Variants in CEP72 observed in about 807,000 individuals in gnomAD.
CEP72 encodes the protein centrosomal protein of 72 kDa.
A neutral mutation model predicts 65.7 loss-of-function variants in CEP72; 78 were observed. The observed-to-expected ratio is 1.19, with a 90% CI of 0.99 to 1.43. The LOEUF is 1.43. CEP72 is among the 40% of genes most tolerant of loss of function. The probability of loss-of-function intolerance (pLI) is 0.00; values close to 1 mark genes in which losing one functional copy is unlikely to be tolerated. For missense variants in CEP72, 914 were observed against 832.9 expected, an observed-to-expected ratio of 1.10 and a Z score of -1.20; for synonymous variants, 358 against 351.7, an observed-to-expected ratio of 1.02 and a Z score of -0.20.
At chr5:619,540 C>T (rs1194619230) in intron 2 of CEP72, among the ~76,000 whole-genome samples, 3 of 151,408 alleles carry the variant, frequency 2.0e-5, no homozygotes, top group African/African-American at 4.9e-5. Flanking sequence ...ATGGAGGCTG[C>T]GTCTGCATGG....
intron 8 of CEP72, among the ~76,000 whole-genome samples, chr5:639,640 C>T (rs1296115223): frequency 6.6e-6 from 1 of 152,192 alleles, no homozygotes; most frequent in South Asian, 2.1e-4. Context: ...GTGTGGGACC[C>T]AGGAGGGTGG....
downstream of CEP72, among the ~76,000 whole-genome samples, chr5:669,434 G>C (rs117288090): frequency 6.6e-6 from 1 of 152,168 alleles, no homozygotes; most frequent in Non-Finnish European, 1.5e-5. Context: ...ACAGTGCCTG[G>C]AACTGACAGT....
chr5:673,810 C>T, the CEP72 span, among the ~76,000 whole-genome samples: 1 of 152,204 alleles, frequency 6.6e-6, no homozygotes, highest in Non-Finnish European at 1.5e-5. Flanking sequence ...CAGGCCCAGA[C>T]CAGCTGGGGC....
Position 633,751 on chromosome 5 carries a change from G to T in CEP72, c.513-18G>T, listed in dbSNP as rs746775730. ...TGGCTGGCTTGAGTGATGCTGATGA[G>T]TTTGCTTTTCCTTACAGACCACACC... is the stretch of plus-strand genomic sequence containing the variant. On this transcript the variant is annotated intron_variant, in intron 4 of 11. Transcript: ENST00000264935. The T allele has an allele frequency of 6.2e-7, 1 of 1,612,836 alleles. No individual in the cohort carries two copies. The highest frequency in any genetic ancestry group is 8.5e-7 in the Non-Finnish European group (1 of 1,179,158).
At chr5:674,238 G>A in the CEP72 span, among the ~76,000 whole-genome samples, 3 of 152,200 alleles carry the variant, frequency 2.0e-5, no homozygotes, top group East Asian at 1.9e-4. Context: ...CCAGGGACTC[G>A]TCCCAGATGT....
At chr5:641,915 T>A (rs1312137926) in intron 9 of CEP72, 1 of 961,616 alleles carries the variant, frequency 1.0e-6, no homozygotes, top group Non-Finnish European at 1.2e-6. Flanking sequence ...CCTGTGCATT[T>A]AAACACACGT....
intron 5 of CEP72, among the ~76,000 whole-genome samples, chr5:634,423 A>G (rs1737450883): frequency 6.6e-6 from 1 of 152,190 alleles, no homozygotes; most frequent in Admixed American, 6.5e-5. Context: ...AGCTTCATTT[A>G]TTCCACCTCC....
rs1309618762 is a variant in CEP72, at chr5:637,845, G to A, written c.1206+27G>A. On this transcript the variant is annotated intron_variant, in intron 7 of 11. Transcript: ENST00000264935. ...TGAGAGAAGGGCTGGGGAGCAGCAG[G>A]CCCACGGCACTGCCTCCCTAATGTG... 2.0e-6 allele frequency: 3 copies of A among 1,496,048 alleles called. No individual in the cohort carries two copies. In the African/African-American group the frequency reaches 4.2e-5, roughly 21 times the overall value. The allele number at this position is 1,496,048 out of a possible 1,614,324, so 92.7% of individuals were successfully genotyped here.
At chr5:625,229 C>G (rs1317761896) in intron 4 of CEP72, among the ~76,000 whole-genome samples, 1 of 152,218 alleles carries the variant, frequency 6.6e-6, no homozygotes, top group Non-Finnish European at 1.5e-5. Context: ...TGGGTTGATT[C>G]AAGGGGCAGA....
intron 7 of CEP72, 56 bp from the exon 8 acceptor site, chr5:639,033 G>A (rs1737817094): frequency 6.2e-7 from 1 of 1,607,388 alleles, no homozygotes; most frequent in East Asian, 2.2e-5. Flanking sequence ...GCACCTGCTG[G>A]CATTCAGGAC....
the CEP72 span, among the ~76,000 whole-genome samples, chr5:673,762 C>G: frequency 2.0e-5 from 3 of 152,174 alleles, no homozygotes; most frequent in East Asian, 5.8e-4. Flanking sequence ...GCTTTAGCCC[C>G]CCAAGCGCCT....
chr5:649,366 G>A (rs1372785593), intron 11 of CEP72, among the ~76,000 whole-genome samples: 1 of 88,760 alleles, frequency 1.1e-5, no homozygotes. Context: ...TGGACTGTGA[G>A]GTGTGACTGT....
intron 11 of CEP72, among the ~76,000 whole-genome samples, chr5:648,415 C>G (rs1314249113): frequency 7.2e-6 from 1 of 138,168 alleles, no homozygotes; most frequent in African/African-American, 2.9e-5. Context: ...GGTATGTGAC[C>G]ATGGGGTGTG....
In CEP72 at chr5:612,368, C is replaced by G; in HGVS notation, c.7C>G (p.Arg3Gly). The change falls in exon 1 of 12, where the codon CGG becomes GGG. Residue 3 changes from arginine to glycine, a missense_variant. Transcript: ENST00000264935. ...CGAGGGCTCCGTTTGAAACATGGCG[C>G]GGGCTGGCCCTCGGCTGGTGCTGAG... Reference protein sequence around the residue: MARAGPRLVLSEE... With the variant: MAGAGPRLVLSEE... The G allele has an allele frequency of 6.7e-7, 1 of 1,489,174 alleles. No individual in the cohort carries two copies. The highest frequency in any genetic ancestry group is 8.9e-7 in the Non-Finnish European group (1 of 1,124,666). The allele number at this position is 1,489,174 out of a possible 1,614,324, so 92.2% of individuals were successfully genotyped here. A position where few individuals can be genotyped will look rare whatever the true frequency, so the allele number is the denominator to read the frequency against.
chr5:637,395 T>C, intron 6 of CEP72, 122 bp from the exon 7 acceptor site: 2 of 788,298 alleles, frequency 2.5e-6, no homozygotes, highest in Non-Finnish European at 4.2e-6. Flanking sequence ...CATATGTAAG[T>C]GTGCGTGTGT....
chr5:669,806 C>T (rs1740138172), downstream of CEP72, among the ~76,000 whole-genome samples: 1 of 152,060 alleles, frequency 6.6e-6, no homozygotes, highest in Non-Finnish European at 1.5e-5. Context: ...ACCCGGGTGC[C>T]CCCCGCCTGG....
chr5:619,232 A>T (rs1736215239), intron 2 of CEP72, 115 bp downstream of exon 2: 2 of 898,420 alleles, frequency 2.2e-6, no homozygotes, highest in Admixed American at 4.5e-5. Context: ...TATACGGTAC[A>T]CTTTGTGTTG....
chr5:669,878 G>A (rs924286046), downstream of CEP72, among the ~76,000 whole-genome samples: 10 of 152,140 alleles, frequency 6.6e-5, no homozygotes, highest in Non-Finnish European at 1.5e-5. Context: ...ACTCAGTCTG[G>A]CTGCCCGGCT....
intron 4 of CEP72, chr5:666,246 G>A (rs1739908323): frequency 2.3e-5 from 26 of 1,143,796 alleles, no homozygotes; most frequent in East Asian, 4.9e-5. Context: ...ACCCACAGGC[G>A]GCCGCCCTGG....
Sources: gnomAD v4.1 joint callset for allele counts (sites outside exome capture counted in the v4.1 genomes callset) on GRCh38, gnomAD v4.1.1 for gene constraint, MANE v1.5 for transcripts, NCBI Gene and HGNC (gene_info 2026-07-23, HGNC 2026-07-21) for gene names.